Variants in SCNN1B observed in about 807,000 individuals in gnomAD.
SCNN1B encodes the protein epithelial sodium channel subunit beta.
SCNN1B carries 46 observed loss-of-function variants against 65.3 expected under a neutral mutation model. The ratio of observed to expected loss-of-function variants is 0.70; its 90% CI spans 0.56 to 0.90. The LOEUF is 0.90. SCNN1B is among the 40% of genes least tolerant of loss of function. SCNN1B has a pLI of 0.00. For missense variants in SCNN1B, 751 were observed against 830.5 expected (o/e 0.90, Z 1.18); for synonymous variants, 349 against 330.6 (o/e 1.06, Z -0.60).
At chr16:23,281,471 G>GA (rs1490644696) in intron 1 of SCNN1B, among the ~76,000 whole-genome samples, 9 of 152,124 alleles carry the variant, frequency 5.9e-5, no homozygotes, top group African/African-American at 2.2e-4. Context: ...AATAAGTTAA[G>GA]ACTCTGGTAC....
chr16:23,347,888 A>G (rs1401562419), intron 1 of SCNN1B, among the ~76,000 whole-genome samples: 2 of 152,240 alleles, frequency 1.3e-5, no homozygotes, highest in Non-Finnish European at 2.9e-5. Flanking sequence ...TAGGCTGGGT[A>G]AGAGAGTGAG....
At chr16:23,310,565 T>C (rs1055759808) in intron 1 of SCNN1B, among the ~76,000 whole-genome samples, 2 of 152,178 alleles carry the variant, frequency 1.3e-5, no homozygotes, top group Non-Finnish European at 2.9e-5. Flanking sequence ...AAGTCCCAGC[T>C]ACTTGGGATG....
intron 2 of SCNN1B, among the ~76,000 whole-genome samples, chr16:23,291,808 T>C (rs1426711542): frequency 6.6e-6 from 1 of 151,340 alleles, no homozygotes; most frequent in Non-Finnish European, 1.5e-5. Context: ...CTCCAACTCC[T>C]GGACTCAAGC....
At chr16:23,313,819 C>T (rs1460254534) in intron 1 of SCNN1B, among the ~76,000 whole-genome samples, 2 of 152,146 alleles carry the variant, frequency 1.3e-5, no homozygotes, top group African/African-American at 4.8e-5. Flanking sequence ...TCCATGTTGG[C>T]CAGGATGGCC....
intron 1 of SCNN1B, among the ~76,000 whole-genome samples, chr16:23,332,402 G>A (rs142724292): frequency 0.015 from 2,238 of 152,162 alleles, 60 homozygotes; most frequent in African/African-American, 0.048. Flanking sequence ...TCACCATGTT[G>A]ATCAGGCTGG....
rs546566965 is a variant in SCNN1B at position 23,315,350 on chromosome 16, G to A, written c.-9+12913G>A. On this transcript the variant is annotated intron_variant, in intron 1 of 12. Coordinates refer to ENST00000343070, the MANE Select transcript of SCNN1B (RefSeq NM_000336.3). ...GAAAGTCTGTCTCAAAAAAAAAAAA[G>A]TCACCATTCTTTCCCTTTCTTGTCT... Among the ~76,000 whole-genome samples, 5 of 151,174 alleles carry A rather than the reference G, an allele frequency of 3.3e-5. No homozygotes were observed. The South Asian group carries it at 6.3e-4, about 19-fold the overall frequency.
Position 23,371,428 on chromosome 16 carries a change from T to C in SCNN1B, c.1010T>C (p.Met337Thr). Reference protein sequence around the residue: ...PFIRDEGIYAMSGTETSIGVL... With the variant: ...PFIRDEGIYATSGTETSIGVL... Reference sequence around the variant, plus strand: ...ATCAGAGATGAGGGCATCTACGCCATGTCGGGGACAGAGACGTCCATCGGG... The same window carrying C: ...ATCAGAGATGAGGGCATCTACGCCACGTCGGGGACAGAGACGTCCATCGGG... Residue 337 changes from methionine to threonine, a missense_variant, in exon 6 of 13, where the codon ATG becomes ACG. Coordinates refer to ENST00000343070, the MANE Select transcript of SCNN1B (RefSeq NM_000336.3). The C allele has an allele frequency of 6.2e-7, 1 of 1,614,110 alleles. No homozygotes were observed. The highest frequency in any genetic ancestry group is 1.3e-5 in the African/African-American group (1 of 75,044).
At chr16:23,299,984 A>G (rs1961050837), upstream of SCNN1B, among the ~76,000 whole-genome samples, 2 of 152,368 alleles carry the variant, frequency 1.3e-5, no homozygotes, top group African/African-American at 2.4e-5. Flanking sequence ...AATGTGGCAC[A>G]TATACACCAT....
At chr16:23,319,591 C>T (rs191930239) in intron 1 of SCNN1B, among the ~76,000 whole-genome samples, 424 of 152,250 alleles carry the variant, frequency 2.8e-3, no homozygotes, top group African/African-American at 9.8e-3. Flanking sequence ...ATGTTATCTA[C>T]GGCTGCTTTT....
In SCNN1B at chr16:23,317,432, G is replaced by A. The variant is rs541998056; in HGVS notation, c.-9+14995G>A. Among the ~76,000 whole-genome samples the A allele has an allele frequency of 1.2e-4, 19 of 152,314 alleles. No individual in the cohort carries two copies. The South Asian group carries it at 3.9e-3, about 32-fold the overall frequency. ...GAACGGGCACTGGAGAGCAGTGTGG[G>A]GACATGACTGGAGAGACCACTCAAG... On this transcript the variant is annotated intron_variant, in intron 1 of 12. Coordinates refer to ENST00000343070, the MANE Select transcript of SCNN1B (RefSeq NM_000336.3).
intron 7 of SCNN1B, among the ~76,000 whole-genome samples, chr16:23,373,026 G>T (rs1487377736): frequency 1.3e-5 from 2 of 152,008 alleles, no homozygotes; most frequent in African/African-American, 2.4e-5. Flanking sequence ...AGAATTGCTT[G>T]AACCCGGGAG....
rs1411815607 is a variant in SCNN1B, at chr16:23,371,376, C to A, written c.958C>A (p.Leu320Ile). 6.2e-7 allele frequency: 1 copy of A among 1,614,164 alleles called. No homozygotes were observed. The highest frequency in any genetic ancestry group is 1.7e-5 in the Admixed American group (1 of 60,030). Reference sequence around the variant, plus strand: ...GTCCACGGCCGGGGTCAGGCTGATGCTTCACGAGCAGAGGTCATACCCCTT... The same window carrying A: ...GTCCACGGCCGGGGTCAGGCTGATGATTCACGAGCAGAGGTCATACCCCTT... ...LASTAGVRLM[L>I]HEQRSYPFIR... is the part of the protein sequence containing the mutation. Residue 320 changes from leucine (L) to isoleucine (I), a missense_variant, in exon 6 of 13, where the codon CTT (leucine) becomes ATT (isoleucine). Leu to Ile is a conservative substitution (Grantham distance 5). Transcript: ENST00000343070.
chr16:23,377,248 C>G lies in SCNN1B; in HGVS notation c.1346+8C>G. 1 of 1,614,030 alleles carries G rather than the reference C, an allele frequency of 6.2e-7. No homozygotes were observed. The highest frequency in any genetic ancestry group is 1.3e-5 in the African/African-American group (1 of 75,058). ...GTGCAAGGAGTCCTGCAAGTGAGTGCGGGTGGGCGGGCACAGCAGCGGGCA... is the reference window on the plus strand; with the variant it reads ...GTGCAAGGAGTCCTGCAAGTGAGTGGGGGTGGGCGGGCACAGCAGCGGGCA... On this transcript the variant is annotated splice_region_variant and intron_variant, in intron 9 of 12. Coordinates refer to ENST00000343070, the MANE Select transcript of SCNN1B (RefSeq NM_000336.3).
At chr16:23,379,243 C>G (rs542995809) in intron 11 of SCNN1B, among the ~76,000 whole-genome samples, 1 of 150,294 alleles carries the variant, frequency 6.7e-6, no homozygotes, top group African/African-American at 2.5e-5. Context: ...AGCCATCCTC[C>G]GTTTATTCAT....
chr16:23,302,024 G>A (rs891834745), upstream of SCNN1B, among the ~76,000 whole-genome samples: 1 of 152,100 alleles, frequency 6.6e-6, no homozygotes, highest in Non-Finnish European at 1.5e-5. Context: ...ATGTACTGAG[G>A]GGACGTGGGG....
At chr16:23,279,143 C>T (rs1290249863) in intron 1 of SCNN1B, among the ~76,000 whole-genome samples, 3 of 151,824 alleles carry the variant, frequency 2.0e-5, no homozygotes, top group African/African-American at 7.3e-5. Flanking sequence ...GTGGAGCAAT[C>T]TTGGCTCACT....
chr16:23,376,744 T>TAA (rs770607656), intron 8 of SCNN1B, among the ~76,000 whole-genome samples: 10 of 63,168 alleles, frequency 1.6e-4, no homozygotes, highest in African/African-American at 3.8e-4. Flanking sequence ...ACCCCGTCTA[T>TAA]AAAAAAAAAA....
At chr16:23,304,144 G>A (rs770764835) in intron 1 of SCNN1B, 72 of 1,434,624 alleles carry the variant, frequency 5.0e-5, no homozygotes, top group Admixed American at 7.9e-5. Context: ...GTTATCTCTG[G>A]GTTAAGTTCA....
At chr16:23,368,097 C>T (rs1333471350) in intron 5 of SCNN1B, 138 bp downstream of exon 5, 2 of 778,350 alleles carry the variant, frequency 2.6e-6, no homozygotes, top group African/African-American at 1.7e-5. Flanking sequence ...GCTACCGAGG[C>T]TCTACTGTGT....
Sources: gnomAD v4.1 joint callset for allele counts (sites outside exome capture counted in the v4.1 genomes callset) on GRCh38, gnomAD v4.1.1 for gene constraint, MANE v1.5 for transcripts, NCBI Gene and HGNC (gene_info 2026-07-23, HGNC 2026-07-21) for gene names.